Variants in RAB3D observed in about 807,000 individuals in gnomAD.
RAB3D encodes RAB3D, member RAS oncogene family.
In RAB3D, 17 loss-of-function variants were observed where a neutral mutation model predicts 19.3. The ratio of observed to expected loss-of-function variants is 0.88; its 90% CI spans 0.60 to 1.32. RAB3D has a LOEUF of 1.32. RAB3D is among the 40% of genes most tolerant of loss of function. The pLI is 0.00. For synonymous variants in RAB3D, 103 were observed against 119.9 expected, an observed-to-expected ratio of 0.86 and a Z score of 0.92; for missense variants, 223 against 299.1, an observed-to-expected ratio of 0.75 and a Z score of 1.88.
intron 4 of RAB3D, among the ~76,000 whole-genome samples, chr19:11,328,476 G>A (rs541141235): frequency 2.4e-4 from 37 of 151,934 alleles, no homozygotes; most frequent in South Asian, 2.1e-3. Flanking sequence ...GTGAAACCCC[G>A]TCTCTACTAA....
rs1473372675 is a variant in RAB3D at position 11,322,430 on chromosome 19, CA to C, written c.*2967del. The C allele has an allele frequency of 2.0e-5, 3 of 152,020 alleles. No individual in the cohort carries two copies. Among genetic ancestry groups the C allele is most frequent in the Middle Eastern group, 3.4e-3 (1 of 292 alleles). 9.4% of individuals were successfully genotyped at this position (152,020 alleles called of 1,614,324 possible). A position where few individuals can be genotyped will look rare whatever the true frequency, so the allele number is the denominator to read the frequency against. ...CAAAACTGCCCATGTAAAATAAACA[CA>C]AGCTGCTAAAAGTGAATGTTAAGAA... On this transcript the variant is annotated 3_prime_UTR_variant, in exon 5 of 5. Transcript: ENST00000222120.
chr19:11,325,455 C>T lies in RAB3D; in HGVS notation c.603G>A (p.Gly201=), dbSNP rs769851542. The change falls in exon 5 of 5, where the codon GGG becomes GGA. Residue 201 remains glycine (G), a synonymous_variant. Transcript: ENST00000222120. ...GAGCATCCCCCACGGCCGGGCCTTT[C>T]CCGTTGCTGCCTGAGCTGGAGCTGG... The part of the protein sequence containing the change: ...LEPSSSSGSN[G]KGPAVGDAPA... 1.1e-4 allele frequency: 183 copies of T among 1,611,020 alleles called. No homozygotes were observed. The highest frequency in any genetic ancestry group is 1.5e-4 in the Non-Finnish European group (174 of 1,179,988).
chr19:11,334,695 C>T (rs981764016), intron 4 of RAB3D, among the ~76,000 whole-genome samples: 2 of 152,246 alleles, frequency 1.3e-5, no homozygotes, highest in Admixed American at 6.5e-5. Flanking sequence ...GAGGCCAAGG[C>T]GGGCAGATCA....
chr19:11,327,150 A>C (rs1402083160), intron 4 of RAB3D, among the ~76,000 whole-genome samples: 1 of 152,250 alleles, frequency 6.6e-6, no homozygotes, highest in Admixed American at 6.5e-5. Context: ...CGCTACTAGA[A>C]AGCCAGCTCC....
At chr19:11,338,839 G>A (rs1966922518) in intron 1 of RAB3D, among the ~76,000 whole-genome samples, 1 of 152,168 alleles carries the variant, frequency 6.6e-6, no homozygotes, top group African/African-American at 2.4e-5. Context: ...TGCTTCATCC[G>A]AGTCCAAGGT....
At position 11,326,628 on chromosome 19, in the gene RAB3D, C is replaced by T. The variant is rs527809511; in HGVS notation, c.473-1043G>A. ...TCCATTGCTTTTTTTAAAAGAGAAACGGTCTCTCTCTATTGCCCAGGCCGG... is the reference window on the plus strand; with the variant it reads ...TCCATTGCTTTTTTTAAAAGAGAAATGGTCTCTCTCTATTGCCCAGGCCGG... On this transcript the variant is annotated intron_variant, in intron 4 of 4. Transcript: ENST00000222120. Among the ~76,000 whole-genome samples, 68 of 152,270 alleles carry T rather than the reference C, an allele frequency of 4.5e-4. 1 individual carries two copies. The South Asian group carries it at 0.013, about 28-fold the overall frequency.
At position 11,322,615 on chromosome 19, in the gene RAB3D, C is replaced by T. The variant is rs1479158405; in HGVS notation, c.*2783G>A. On this transcript the variant is annotated 3_prime_UTR_variant, in exon 5 of 5. Transcript: ENST00000222120. ...GTTTTCAGTCCCCAGAGACCATTTCCAATTAAACCTCACCCCCCAAATCAT... is the reference window on the plus strand; with the variant it reads ...GTTTTCAGTCCCCAGAGACCATTTCTAATTAAACCTCACCCCCCAAATCAT... 1 of 152,138 alleles carries T rather than the reference C, an allele frequency of 6.6e-6. No homozygotes were observed. Among genetic ancestry groups the T allele is most frequent in the Non-Finnish European group, 1.5e-5 (1 of 68,036 alleles). The allele number at this position is 152,138 out of a possible 1,614,324, so 9.4% of individuals were successfully genotyped here. A position where few individuals can be genotyped will look rare whatever the true frequency, so the allele number is the denominator to read the frequency against.
intron 4 of RAB3D, among the ~76,000 whole-genome samples, chr19:11,328,932 CT>C (rs747096753): frequency 0.036 from 4,926 of 137,528 alleles, 164 homozygotes; most frequent in African/African-American, 0.1. Context: ...CTTTATTCAT[CT>C]TTTTTTTTTT....
rs2080799385 is a variant in RAB3D at position 11,324,464 on chromosome 19, T to A, written c.*934A>T. ...TCATTTCCTTTTCTAGCAGGATGCA[T>A]GATTGGGCAAGAACTTGCTTAAAAC... On this transcript the variant is annotated 3_prime_UTR_variant, in exon 5 of 5. Coordinates refer to ENST00000222120, the MANE Select transcript of RAB3D (RefSeq NM_004283.4). 1 of 152,462 alleles carries A rather than the reference T, an allele frequency of 6.6e-6. No individual in the cohort carries two copies. Among genetic ancestry groups the A allele is most frequent in the African/African-American group, 2.4e-5 (1 of 41,416 alleles). 9.4% of individuals were successfully genotyped at this position (152,462 alleles called of 1,614,324 possible).
chr19:11,325,384 G>A lies in RAB3D; in HGVS notation c.*14C>T, dbSNP rs1568298866. On this transcript the variant is annotated 3_prime_UTR_variant, in exon 5 of 5. Transcript: ENST00000222120. Reference sequence around the variant, plus strand: ...GAGGCAGGAGAGGGGTGGGTGGGGGGTTGGGGGCCATCTCTAGCAGCTGCA... The same window carrying A: ...GAGGCAGGAGAGGGGTGGGTGGGGGATTGGGGGCCATCTCTAGCAGCTGCA... 1 of 1,511,604 alleles carries A rather than the reference G, an allele frequency of 6.6e-7. No homozygotes were observed. Among genetic ancestry groups the A allele is most frequent in the South Asian group, 1.2e-5 (1 of 84,422 alleles). 93.6% of individuals were successfully genotyped at this position (1,511,604 alleles called of 1,614,324 possible). A position where few individuals can be genotyped will look rare whatever the true frequency, so the allele number is the denominator to read the frequency against.
intron 4 of RAB3D, among the ~76,000 whole-genome samples, chr19:11,334,503 C>A (rs1250056570): frequency 6.6e-6 from 1 of 151,616 alleles, no homozygotes; most frequent in Non-Finnish European, 1.5e-5. Flanking sequence ...AAGAACATCC[C>A]CTTGGGCTGG....
intron 4 of RAB3D, among the ~76,000 whole-genome samples, chr19:11,331,340 C>T (rs983635313): frequency 2.6e-5 from 4 of 151,906 alleles, no homozygotes; most frequent in Admixed American, 1.3e-4. Flanking sequence ...CTCAGAAAAA[C>T]TTCATTTATA....
chr19:11,325,581 G>A lies in RAB3D; in HGVS notation c.477C>T (p.Phe159=), dbSNP rs148128282. 2.5e-6 allele frequency: 4 copies of A among 1,607,146 alleles called. No individual in the cohort carries two copies. The highest frequency in any genetic ancestry group is 1.3e-5 in the African/African-American group (1 of 74,252). The part of the protein sequence containing the change: ...DGRRLADDLG[F]EFFEASAKEN... ...CCTTGGCACTGGCTTCAAAGAACTC[G>A]AAACCTGGATGAATGTTAAGGTGGG... is the stretch of plus-strand genomic sequence containing the variant. Residue 159 remains phenylalanine, a synonymous_variant, in exon 5 of 5, where the codon TTC becomes TTT. Transcript: ENST00000222120.
rs1278847605 is a variant in RAB3D, at chr19:11,322,573, A to G, written c.*2825T>C. On this transcript the variant is annotated 3_prime_UTR_variant, in exon 5 of 5. Transcript: ENST00000222120. ...CAACAAACCTCCGTTTCCCTGAGGT[A>G]ATCTGCAAAAACATCAGTTTTCAGT... 6.6e-6 allele frequency: 1 copy of G among 152,198 alleles called. No individual in the cohort carries two copies. Among genetic ancestry groups the G allele is most frequent in the Non-Finnish European group, 1.5e-5 (1 of 68,048 alleles). The allele number at this position is 152,198 out of a possible 1,614,324, so 9.4% of individuals were successfully genotyped here.
At chr19:11,328,818 A>G (rs945057594) in intron 4 of RAB3D, among the ~76,000 whole-genome samples, 8 of 152,152 alleles carry the variant, frequency 5.3e-5, no homozygotes, top group African/African-American at 1.9e-4. Context: ...CCCTGTCTCA[A>G]AACAAAAACA....
chr19:11,335,791 A>G lies in RAB3D; in HGVS notation c.229-8T>C. 1 of 1,612,888 alleles carries G rather than the reference A, an allele frequency of 6.2e-7. No individual in the cohort carries two copies. The highest frequency in any genetic ancestry group is 8.5e-7 in the Non-Finnish European group (1 of 1,178,866). ...CTCCTGGCCCGCTGTGTCCTGGACAAATGGCAGTGGCAGTTGGCTGGGAAC... is the reference window on the plus strand; with the variant it reads ...CTCCTGGCCCGCTGTGTCCTGGACAGATGGCAGTGGCAGTTGGCTGGGAAC... On this transcript the variant is annotated splice_region_variant and splice_polypyrimidine_tract_variant and intron_variant, in intron 2 of 4. Coordinates refer to ENST00000222120, the MANE Select transcript of RAB3D (RefSeq NM_004283.4).
intron 4 of RAB3D, among the ~76,000 whole-genome samples, chr19:11,331,735 T>C (rs1016470697): frequency 2.6e-5 from 4 of 151,068 alleles, no homozygotes; most frequent in African/African-American, 9.7e-5. Context: ...CAAGCAATCC[T>C]CCCTCCTCAG....
chr19:11,337,726 A>G (rs1290172955), intron 1 of RAB3D, among the ~76,000 whole-genome samples: 1 of 150,484 alleles, frequency 6.6e-6, no homozygotes, highest in Admixed American at 6.6e-5. Flanking sequence ...GCTGGAGCGC[A>G]GTGGCGTGAT....
rs960619771 is a variant in RAB3D at position 11,322,587 on chromosome 19, T to A, written c.*2811A>T. The A allele has an allele frequency of 1.3e-5, 2 of 152,158 alleles. No individual in the cohort carries two copies. The highest frequency in any genetic ancestry group is 1.3e-4 in the Admixed American group (2 of 15,260). 9.4% of individuals were successfully genotyped at this position (152,158 alleles called of 1,614,324 possible). A position where few individuals can be genotyped will look rare whatever the true frequency, so the allele number is the denominator to read the frequency against. ...TTCCCTGAGGTAATCTGCAAAAACA[T>A]CAGTTTTCAGTCCCCAGAGACCATT... On this transcript the variant is annotated 3_prime_UTR_variant, in exon 5 of 5. Transcript: ENST00000222120.
Sources: allele counts gnomAD v4.1 joint callset (sites outside exome capture counted in the v4.1 genomes callset), GRCh38; gene constraint gnomAD v4.1.1; transcripts MANE v1.5; gene names NCBI Gene and HGNC (gene_info 2026-07-23, HGNC 2026-07-21).